MED25: variants seen among roughly 807,000 people sequenced by gnomAD.
MED25 encodes mediator complex subunit 25.
Under a neutral mutation model 89.4 loss-of-function variants are expected in MED25, and 62 were observed. The observed-to-expected ratio is 0.69, with a 90% CI of 0.57 to 0.86. MED25 has a LOEUF of 0.86. MED25 is among the 40% of genes least tolerant of loss of function. MED25 has a pLI of 0.00. For synonymous variants in MED25, 449 were observed against 427.9 expected, an observed-to-expected ratio of 1.05 and a Z score of -0.61; for missense variants, 905 against 1,005.2, an observed-to-expected ratio of 0.90 and a Z score of 1.35.
chr19:49,834,809 G>A lies in MED25; in HGVS notation c.1483-177G>A, dbSNP rs148655607. The A allele has an allele frequency of 2.3e-4, 148 of 649,182 alleles. No individual in the cohort carries two copies. In the African/African-American group the frequency reaches 2.4e-3, roughly 11 times the overall value. The allele number at this position is 649,182 out of a possible 1,614,324, so 40.2% of individuals were successfully genotyped here. A position where few individuals can be genotyped will look rare whatever the true frequency, so the allele number is the denominator to read the frequency against. ...CAGCTGGAACCCTAGCTTGCCCTGA[G>A]CGCCTCAGTTTCTGTCTCCAGAGCA... is the stretch of plus-strand genomic sequence containing the variant. On this transcript the variant is annotated intron_variant, in intron 13 of 17. Transcript: ENST00000312865. The surrounding 1 kb of genome is among the most constrained non-coding windows in gnomAD (Gnocchi z 4.1).
Position 49,831,898 on chromosome 19 carries a change from TG to T in MED25, c.1231-36del. On this transcript the variant is annotated intron_variant, in intron 10 of 17. Coordinates refer to ENST00000312865, the MANE Select transcript of MED25 (RefSeq NM_030973.4). The surrounding 1 kb of genome is among the most constrained non-coding windows in gnomAD (Gnocchi z 5.0). The stretch of plus-strand genomic sequence containing the variant: ...GAGGGCTCAAGGGGACTGAGGCTTA[TG>T]GCCCTTTTTACTGACATGCTCTTTT... 6.3e-7 allele frequency: 1 copy of T among 1,578,292 alleles called. No individual in the cohort carries two copies. Among genetic ancestry groups the T allele is most frequent in the African/African-American group, 1.3e-5 (1 of 74,268 alleles).
Position 49,828,567 on chromosome 19 carries a change from A to T in MED25, c.404+20A>T. 1 of 1,592,780 alleles carries T rather than the reference A, an allele frequency of 6.3e-7. No individual in the cohort carries two copies. Among genetic ancestry groups the T allele is most frequent in the Non-Finnish European group, 8.6e-7 (1 of 1,160,704 alleles). ...GCAGATGTGAGTGCCCCCTCCACCCAGGCCGGGCCGGTCTCTCTCTGCCTG... is the reference window on the plus strand; with the variant it reads ...GCAGATGTGAGTGCCCCCTCCACCCTGGCCGGGCCGGTCTCTCTCTGCCTG... On this transcript the variant is annotated intron_variant, in intron 4 of 17. Coordinates refer to ENST00000312865, the MANE Select transcript of MED25 (RefSeq NM_030973.4).
chr19:49,820,466 C>T (rs899368935), intron 3 of MED25, among the ~76,000 whole-genome samples: 1 of 152,248 alleles, frequency 6.6e-6, no homozygotes, highest in Non-Finnish European at 1.5e-5. Flanking sequence ...CTGTGGTGCC[C>T]AGGCAGCTCA....
In MED25 at chr19:49,834,619, C is replaced by T. The variant is rs531087574; in HGVS notation, c.1483-367C>T. On this transcript the variant is annotated intron_variant, in intron 13 of 17. Transcript: ENST00000312865. This position sits in a 1 kb window ranked among gnomAD's most constrained non-coding sequence, Gnocchi z 4.1. Reference sequence around the variant, plus strand: ...GTTGATCACAGGCCTGTGGGTACCACGCTGTGCATCTAGGCCGCTCTCCCG... The same window carrying T: ...GTTGATCACAGGCCTGTGGGTACCATGCTGTGCATCTAGGCCGCTCTCCCG... The T allele has an allele frequency of 1.1e-5, 4 of 368,766 alleles. No homozygotes were observed. Among genetic ancestry groups the T allele is most frequent in the East Asian group, 6.7e-5 (1 of 14,996 alleles). 22.8% of individuals were successfully genotyped at this position (368,766 alleles called of 1,614,324 possible). A position where few individuals can be genotyped will look rare whatever the true frequency, so the allele number is the denominator to read the frequency against.
In MED25 at chr19:49,834,504, G is replaced by A. The variant is rs1262966951; in HGVS notation, c.1483-482G>A. The A allele has an allele frequency of 2.4e-5, 5 of 207,614 alleles. No homozygotes were observed. The South Asian group carries it at 4.0e-4, about 17-fold the overall frequency. 12.9% of individuals were successfully genotyped at this position (207,614 alleles called of 1,614,324 possible). A position where few individuals can be genotyped will look rare whatever the true frequency, so the allele number is the denominator to read the frequency against. On this transcript the variant is annotated intron_variant, in intron 13 of 17. Coordinates refer to ENST00000312865, the MANE Select transcript of MED25 (RefSeq NM_030973.4). This position sits in a 1 kb window ranked among gnomAD's most constrained non-coding sequence, Gnocchi z 4.1. ...GGATCAGACATCGCATAGTCACAGC[G>A]ACCCTGTGATGTGGGAGCACTCCCC... is the stretch of plus-strand genomic sequence containing the variant.
In MED25 at chr19:49,835,742, C is replaced by T. The variant is rs777358313; in HGVS notation, c.1762C>T (p.Pro588Ser). 4.8e-5 allele frequency: 78 copies of T among 1,610,464 alleles called. No homozygotes were observed. The highest frequency in any genetic ancestry group is 6.3e-5 in the Non-Finnish European group (74 of 1,178,914). Residue 588 changes from proline (P) to serine (S), a missense_variant, in exon 16 of 18, where the codon CCG becomes TCG. Coordinates refer to ENST00000312865, the MANE Select transcript of MED25 (RefSeq NM_030973.4). The surrounding 1 kb of genome is among the most constrained non-coding windows in gnomAD (Gnocchi z 6.2). Reference protein sequence around the residue: ...PSQNLLQLRPPQPQPQGTVGA... With the variant: ...PSQNLLQLRPSQPQPQGTVGA... ...TTCCCACCAGCTCCAGCTCCGCCCA[C>T]CGCAGCCCCAGCCTCAGGGTACCGT...
At position 49,829,602 on chromosome 19, in the gene MED25, A is replaced by G. The variant is rs753834540; in HGVS notation, c.526-184A>G. Among the ~76,000 whole-genome samples, 4 of 152,146 alleles carry G rather than the reference A, an allele frequency of 2.6e-5. No homozygotes were observed. Among genetic ancestry groups the G allele is most frequent in the Admixed American group, 6.5e-5 (1 of 15,270 alleles). ...CCCACTTAGTCTTACTGACAAAACT[A>G]GAACCCAGAGTCTCCCGGGGCAGGT... On this transcript the variant is annotated intron_variant, in intron 5 of 17. Coordinates refer to ENST00000312865, the MANE Select transcript of MED25 (RefSeq NM_030973.4). This position sits in a 1 kb window ranked among gnomAD's most constrained non-coding sequence, Gnocchi z 4.6.
chr19:49,821,547 A>G (rs1600315596), intron 3 of MED25, among the ~76,000 whole-genome samples: 1 of 151,774 alleles, frequency 6.6e-6, no homozygotes, highest in Non-Finnish European at 1.5e-5. Context: ...CAGGTGGATC[A>G]CCTGAGGTCA....
downstream of MED25, chr19:49,837,047 C>A: frequency 1.1e-6 from 1 of 951,948 alleles, no homozygotes; most frequent in African/African-American, 1.6e-5. Context: ...GCATCTCTGT[C>A]CTTGTTCTCA....
chr19:49,829,427 C>G lies in MED25; in HGVS notation c.525+337C>G, dbSNP rs760756335. Among the ~76,000 whole-genome samples the G allele has an allele frequency of 6.6e-6, 1 of 152,072 alleles. No homozygotes were observed. The highest frequency in any genetic ancestry group is 6.6e-5 in the Admixed American group (1 of 15,254). On this transcript the variant is annotated intron_variant, in intron 5 of 17. Coordinates refer to ENST00000312865, the MANE Select transcript of MED25 (RefSeq NM_030973.4). The surrounding 1 kb of genome is among the most constrained non-coding windows in gnomAD (Gnocchi z 4.6). ...CCGAGTAGCTGGGATTATAGACGCC[C>G]GCCACCACGCCCAGCTGATTTTTGT...
At chr19:49,818,930 C>T in intron 2 of MED25, 1 of 536,292 alleles carries the variant, frequency 1.9e-6, no homozygotes. Flanking sequence ...GCCTGGATTC[C>T]TGGGTCTGAG....
rs2123887846 is a variant in MED25 at position 49,835,625 on chromosome 19, G to A, written c.1746+20G>A. On this transcript the variant is annotated intron_variant, in intron 15 of 17. Coordinates refer to ENST00000312865, the MANE Select transcript of MED25 (RefSeq NM_030973.4). The surrounding 1 kb of genome is among the most constrained non-coding windows in gnomAD (Gnocchi z 6.2). ...AATCTGGTGAGGACAGGGCTGGCGG[G>A]GTCGGGGCTGGGTTGGGGAGGCCCC... is the stretch of plus-strand genomic sequence containing the variant. 2 of 1,556,010 alleles carry A rather than the reference G, an allele frequency of 1.3e-6. No homozygotes were observed. Among genetic ancestry groups the A allele is most frequent in the Non-Finnish European group, 1.7e-6 (2 of 1,150,214 alleles).
chr19:49,822,317 T>A (rs1329239393), intron 3 of MED25, among the ~76,000 whole-genome samples: 1 of 83,800 alleles, frequency 1.2e-5, no homozygotes, highest in Non-Finnish European at 2.2e-5. Flanking sequence ...TGGTGGCATG[T>A]GCCTTGTAAT....
In MED25 at chr19:49,835,537, G is replaced by C. The variant is rs866498468; in HGVS notation, c.1678G>C (p.Gly560Arg). Residue 560 changes from glycine (G) to arginine (R), a missense_variant, in exon 15 of 18, where the codon GGG becomes CGG. By Grantham distance (125) the Gly-to-Arg change is moderately radical. Transcript: ENST00000312865. This position sits in a 1 kb window ranked among gnomAD's most constrained non-coding sequence, Gnocchi z 6.2. The stretch of plus-strand genomic sequence containing the variant: ...CTGCCCCTCTCTCCCCGTGCAGATG[G>C]GGGGACAGCAGGCACCCCCAGGGCT... ...QKLEQQQRGM[G>R]GQQAPPGLGP... 21 of 1,558,512 alleles carry C rather than the reference G, an allele frequency of 1.3e-5. No individual in the cohort carries two copies. The highest frequency in any genetic ancestry group is 5.9e-5 in the South Asian group (5 of 84,582).
At chr19:49,822,679 G>A (rs747942592) in intron 3 of MED25, among the ~76,000 whole-genome samples, 32 of 118,832 alleles carry the variant, frequency 2.7e-4, no homozygotes, top group Non-Finnish European at 4.2e-4. Context: ...ACAGAGTCTC[G>A]CTCTGTTGTC....
At chr19:49,827,317 G>T (rs1278290901) in intron 3 of MED25, among the ~76,000 whole-genome samples, 1 of 152,232 alleles carries the variant, frequency 6.6e-6, no homozygotes, top group Non-Finnish European at 1.5e-5. Context: ...GAGAGTCTGT[G>T]TGTGTTAGTT....
downstream of MED25, chr19:49,838,302 A>G (rs2074113626): frequency 2.9e-6 from 1 of 340,626 alleles, no homozygotes; most frequent in Non-Finnish European, 5.8e-6. Flanking sequence ...TCACACACAC[A>G]CACGCACACA....
At chr19:49,823,259 G>C (rs1336016712) in intron 3 of MED25, among the ~76,000 whole-genome samples, 1 of 152,184 alleles carries the variant, frequency 6.6e-6, no homozygotes, top group African/African-American at 2.4e-5. Flanking sequence ...GCGGTGCCAA[G>C]TCCACTTCTG....
Position 49,829,277 on chromosome 19 carries a change from C to T in MED25, c.525+187C>T, listed in dbSNP as rs1568622313. Among the ~76,000 whole-genome samples, 1 of 152,060 alleles carries T rather than the reference C, an allele frequency of 6.6e-6. No individual in the cohort carries two copies. Among genetic ancestry groups the T allele is most frequent in the Non-Finnish European group, 1.5e-5 (1 of 68,012 alleles). On this transcript the variant is annotated intron_variant, in intron 5 of 17. Coordinates refer to ENST00000312865, the MANE Select transcript of MED25 (RefSeq NM_030973.4). This position sits in a 1 kb window ranked among gnomAD's most constrained non-coding sequence, Gnocchi z 4.6. ...CACAGAATAGTCACAGACTGGTGAC[C>T]AGCTTTGCTTACTCTCTTTTCGAAA...
Sources: gnomAD v4.1 joint callset for allele counts (sites outside exome capture counted in the v4.1 genomes callset) on GRCh38, gnomAD v4.1.1 for gene constraint, Gnocchi (gnomAD v3.1) non-coding constraint, MANE v1.5 for transcripts, NCBI Gene and HGNC (gene_info 2026-07-23, HGNC 2026-07-21) for gene names.